CSF2RA: variants seen among roughly 807,000 people sequenced by gnomAD.
The protein encoded by CSF2RA is granulocyte-macrophage colony-stimulating factor receptor subunit alpha.
CSF2RA carries 42 observed loss-of-function variants against 51.6 expected under a neutral mutation model. That is an observed-to-expected ratio of 0.81 (90% CI 0.64 to 1.05). The LOEUF (loss-of-function observed/expected upper bound fraction) is 1.05. Among genes scored for constraint, CSF2RA ranks in the 50% least tolerant of loss-of-function variants. The pLI is 0.00. For missense variants in CSF2RA, 530 were observed against 501.1 expected (o/e 1.06, Z -0.55); for synonymous variants, 222 against 193.0 (o/e 1.15, Z -1.24).
downstream of CSF2RA, among the ~76,000 whole-genome samples, chrX:1,311,400 C>A (rs2084176687): frequency 6.6e-6 from 1 of 151,644 alleles, no homozygotes; most frequent in Non-Finnish European, 1.5e-5. Flanking sequence ...AGGCACAATT[C>A]CTGTACAGTC....
chrX:1,320,154 C>G, the CSF2RA span, among the ~76,000 whole-genome samples: 1 of 152,046 alleles, frequency 6.6e-6, no homozygotes, highest in Non-Finnish European at 1.5e-5. Context: ...CTCGGCCTCC[C>G]AAAGTGCTGG....
intron 11 of CSF2RA, among the ~76,000 whole-genome samples, chrX:1,304,641 TG>T (rs1341615525): frequency 1.2e-5 from 1 of 85,236 alleles, no homozygotes; most frequent in African/African-American, 7.0e-5. Context: ...GGGTTGGAGG[TG>T]GGTTTTTTTT....
chrX:1,304,387 G>A (rs1410626328), intron 11 of CSF2RA, among the ~76,000 whole-genome samples: 8 of 140,752 alleles, frequency 5.7e-5, no homozygotes, highest in South Asian at 2.5e-4. Flanking sequence ...GCGACAGGGC[G>A]AGACTCCATC....
At chrX:1,281,065 CCTT>C (rs1168367599) in intron 2 of CSF2RA, among the ~76,000 whole-genome samples, 3 of 80,692 alleles carry the variant, frequency 3.7e-5, no homozygotes, top group African/African-American at 4.5e-5. Flanking sequence ...TTCTCCTCCT[CCTT>C]CTCCTCCTCC....
At chrX:1,286,853 A>T (rs1340705549) in intron 4 of CSF2RA, among the ~76,000 whole-genome samples, 1 of 152,136 alleles carries the variant, frequency 6.6e-6, no homozygotes, top group Non-Finnish European at 1.5e-5. Context: ...AGTGTCAGTC[A>T]CGTTGTCAGT....
At chrX:1,314,260 C>T (rs1467131761), downstream of CSF2RA, among the ~76,000 whole-genome samples, 25 of 50,956 alleles carry the variant, frequency 4.9e-4, no homozygotes, top group East Asian at 3.0e-3. Flanking sequence ...ACCTGCCCAA[C>T]CCCACTGCGC....
intron 2 of CSF2RA, among the ~76,000 whole-genome samples, chrX:1,279,206 C>G (rs2089584386): frequency 6.7e-6 from 1 of 149,996 alleles, no homozygotes; most frequent in Non-Finnish European, 1.5e-5. Flanking sequence ...CAAAAATTAG[C>G]CAGGCGTGTT....
chrX:1,315,936 A>T, the CSF2RA span, among the ~76,000 whole-genome samples: 1 of 139,992 alleles, frequency 7.1e-6, no homozygotes, highest in Non-Finnish European at 1.6e-5. Flanking sequence ...GATGGATGAT[A>T]GATAATAAAT....
intron 9 of CSF2RA, among the ~76,000 whole-genome samples, chrX:1,299,620 C>G (rs1393853420): frequency 3.1e-5 from 4 of 127,352 alleles, no homozygotes; most frequent in Non-Finnish European, 7.8e-5. Context: ...ATTTCTGTTT[C>G]AGAAAATAAA....
intron 12 of CSF2RA, among the ~76,000 whole-genome samples, chrX:1,307,160 G>C (rs1315275650): frequency 6.6e-6 from 1 of 152,286 alleles, no homozygotes; most frequent in South Asian, 2.1e-4. Flanking sequence ...GGAAAGTCAG[G>C]CCAGGGCTGA....
At chrX:1,318,847 G>A in the CSF2RA span, among the ~76,000 whole-genome samples, 27,059 of 148,338 alleles carry the variant, frequency 0.18, 2,667 homozygotes, top group Admixed American at 0.24. Context: ...AACCCGGGAG[G>A]CGGAGCTTGC....
chrX:1,277,512 C>T (rs2089334658), intron 2 of CSF2RA, among the ~76,000 whole-genome samples: 2 of 134,114 alleles, frequency 1.5e-5, no homozygotes, highest in South Asian at 2.5e-4. Flanking sequence ...AAGAGAATGG[C>T]GTGAACCCGG....
At chrX:1,285,620 G>A (rs1278027280) in intron 3 of CSF2RA, 158 bp from the exon 4 acceptor site, 17 of 771,074 alleles carry the variant, frequency 2.2e-5, no homozygotes, top group South Asian at 7.0e-5. Flanking sequence ...ATTTGAACCC[G>A]GGTGGTGGAG....
chrX:1,280,428 A>ACG (rs2089748507), intron 2 of CSF2RA, among the ~76,000 whole-genome samples: 3 of 148,708 alleles, frequency 2.0e-5, no homozygotes, highest in South Asian at 4.3e-4. Flanking sequence ...CCAAGATTGC[A>ACG]CCACTGCACT....
At position 1,282,596 on chromosome X, in the gene CSF2RA, C is replaced by A; in HGVS notation, c.-26-82C>A. The A allele has an allele frequency of 2.9e-6, 3 of 1,035,202 alleles. No homozygotes were observed. The Admixed American group carries it at 5.1e-5, about 18-fold the overall frequency. 64.1% of individuals were successfully genotyped at this position (1,035,202 alleles called of 1,614,324 possible). A position where few individuals can be genotyped will look rare whatever the true frequency, so the allele number is the denominator to read the frequency against. On this transcript the variant is annotated intron_variant, in intron 2 of 12. Coordinates refer to ENST00000381529, the MANE Select transcript of CSF2RA (RefSeq NM_172245.4). ...GACCACCATCCTGGGTTTGTTTCCC[C>A]AAATCACCTCCCTGGGGTCCCCTGC...
intron 2 of CSF2RA, among the ~76,000 whole-genome samples, chrX:1,281,074 C>A (rs2089959239): frequency 1.2e-5 from 1 of 82,514 alleles, no homozygotes; most frequent in Non-Finnish European, 2.4e-5. Context: ...TCCTTCTCCT[C>A]CTCCTCCTTC....
intron 10 of CSF2RA, among the ~76,000 whole-genome samples, chrX:1,302,593 C>T (rs1169481062): frequency 1.3e-5 from 2 of 152,116 alleles, no homozygotes; most frequent in Admixed American, 6.6e-5. Flanking sequence ...CAACCTCTGC[C>T]TCCTGGGTTC....
intron 8 of CSF2RA, among the ~76,000 whole-genome samples, chrX:1,294,937 T>C (rs749719639): frequency 0.022 from 1,284 of 57,622 alleles, no homozygotes; most frequent in Middle Eastern, 0.044. Context: ...GTCCCACAAC[T>C]ACCTGGACCC....
downstream of CSF2RA, among the ~76,000 whole-genome samples, chrX:1,314,511 ACTGCACCTGCCCAATCC>A (rs1569514904): frequency 4.4e-4 from 51 of 115,022 alleles, 2 homozygotes; most frequent in Non-Finnish European, 8.2e-4. Context: ...GCCCAACCGC[ACTGCACCTGCCCAATCC>A]CACTGCACCT....
Sources: gnomAD v4.1 joint callset for allele counts (sites outside exome capture counted in the v4.1 genomes callset) on GRCh38, gnomAD v4.1.1 for gene constraint, MANE v1.5 for transcripts, NCBI Gene and HGNC (gene_info 2026-07-23, HGNC 2026-07-21) for gene names.